Variants in EEFSEC observed in about 807,000 individuals in gnomAD.
EEFSEC encodes eukaryotic elongation factor, selenocysteine-tRNA specific, also known as selenocysteine-specific elongation factor.
EEFSEC carries 43 observed loss-of-function variants against 42.1 expected under a neutral mutation model. The ratio of observed to expected loss-of-function variants is 1.02; its 90% confidence interval spans 0.80 to 1.32. The LOEUF is 1.32. EEFSEC is among the 40% of genes most tolerant of loss of function. EEFSEC has a pLI of 0.00. For synonymous variants in EEFSEC, 354 were observed against 339.1 expected, an observed-to-expected ratio of 1.04 and a Z score of -0.48; for missense variants, 745 against 803.6, an observed-to-expected ratio of 0.93 and a Z score of 0.88.
At chr3:128,346,158 C>T (rs571676257) in intron 5 of EEFSEC, among the ~76,000 whole-genome samples, 1 of 152,354 alleles carries the variant, frequency 6.6e-6, no homozygotes, top group East Asian at 1.9e-4. Context: ...TGGCTTAACT[C>T]ATTAGTATTA....
At chr3:128,325,966 T>C (rs1161993917) in intron 4 of EEFSEC, among the ~76,000 whole-genome samples, 1 of 152,238 alleles carries the variant, frequency 6.6e-6, no homozygotes, top group Non-Finnish European at 1.5e-5. Context: ...GTGATCCACC[T>C]TTGACTTTTG....
At chr3:128,319,225 TAGC>T (rs1341667450) in intron 4 of EEFSEC, among the ~76,000 whole-genome samples, 1 of 152,166 alleles carries the variant, frequency 6.6e-6, no homozygotes, top group Non-Finnish European at 1.5e-5. Context: ...AAGGCAGAAG[TAGC>T]AGGCCAGCGG....
intron 1 of EEFSEC, among the ~76,000 whole-genome samples, chr3:128,232,655 A>G (rs987410628): frequency 6.6e-6 from 1 of 152,266 alleles, no homozygotes; most frequent in Non-Finnish European, 1.5e-5. Flanking sequence ...CTTATGGGCC[A>G]CAATTATTTT....
At chr3:128,282,068 C>A (rs558170980) in intron 4 of EEFSEC, among the ~76,000 whole-genome samples, 24 of 152,250 alleles carry the variant, frequency 1.6e-4, no homozygotes, top group Non-Finnish European at 2.8e-4. Flanking sequence ...GTGCTCCCCA[C>A]GTGCCCTTAC....
intron 4 of EEFSEC, among the ~76,000 whole-genome samples, chr3:128,286,823 G>A (rs1263071405): frequency 6.6e-6 from 1 of 152,196 alleles, no homozygotes; most frequent in African/African-American, 2.4e-5. Flanking sequence ...ACCCATATGT[G>A]CATATCTACC....
rs561957849 is a variant in EEFSEC at position 128,290,951 on chromosome 3, A to T, written c.786+26170A>T. ...TTTAGTAGAGATGGGGTTTCGCCATATTGGCCATGGCTGGTCTCGAACTCC... is the reference window on the plus strand; with the variant it reads ...TTTAGTAGAGATGGGGTTTCGCCATTTTGGCCATGGCTGGTCTCGAACTCC... On this transcript the variant is annotated intron_variant, in intron 4 of 6. Coordinates refer to ENST00000254730, the MANE Select transcript of EEFSEC (RefSeq NM_021937.5). Among the ~76,000 whole-genome samples the T allele has an allele frequency of 2.0e-3, 300 of 151,794 alleles. 1 individual carries two copies. Among genetic ancestry groups the T allele is most frequent in the Non-Finnish European group, 3.2e-3 (216 of 67,924 alleles).
intron 5 of EEFSEC, among the ~76,000 whole-genome samples, chr3:128,353,889 T>C (rs2067419272): frequency 6.6e-6 from 1 of 152,134 alleles, no homozygotes; most frequent in African/African-American, 2.4e-5. Context: ...ACCCATGACA[T>C]GGCTGAGGAC....
At chr3:128,211,467 A>T (rs1190091324) in intron 1 of EEFSEC, among the ~76,000 whole-genome samples, 1 of 152,084 alleles carries the variant, frequency 6.6e-6, no homozygotes, top group East Asian at 1.9e-4. Flanking sequence ...ACATACTGTT[A>T]CTTGACAATA....
At chr3:128,330,836 C>G (rs1461574241) in intron 4 of EEFSEC, among the ~76,000 whole-genome samples, 60 of 88,226 alleles carry the variant, frequency 6.8e-4, no homozygotes, top group African/African-American at 1.9e-3. Context: ...CCTCTTCCCC[C>G]CTTCCTCAGT....
intron 4 of EEFSEC, among the ~76,000 whole-genome samples, chr3:128,266,834 G>A (rs919763675): frequency 1.3e-5 from 2 of 152,008 alleles, no homozygotes; most frequent in African/African-American, 4.8e-5. Context: ...CAAAAATAAA[G>A]CACAAAAGTG....
chr3:128,241,927 T>G (rs1267028896), intron 1 of EEFSEC, among the ~76,000 whole-genome samples: 1 of 152,262 alleles, frequency 6.6e-6, no homozygotes, highest in East Asian at 1.9e-4. Context: ...CAAATGGTCA[T>G]AATAATAGTA....
intron 6 of EEFSEC, among the ~76,000 whole-genome samples, chr3:128,398,462 T>A (rs1169351928): frequency 1.3e-5 from 2 of 151,916 alleles, no homozygotes; most frequent in Non-Finnish European, 2.9e-5. Context: ...GTCTGAGTGG[T>A]TGTGAGGGAC....
intron 2 of EEFSEC, among the ~76,000 whole-genome samples, chr3:128,248,762 A>G (rs575350817): frequency 5.3e-4 from 81 of 152,352 alleles, no homozygotes; most frequent in African/African-American, 1.7e-3. Context: ...GGAAGGGCTT[A>G]GGGTACGTTT....
rs1054352531 is a variant in EEFSEC at position 128,347,206 on chromosome 3, A to G, written c.1443+5317A>G. Reference sequence around the variant, plus strand: ...ATTCTTGGATACATTTGATTTTTTCACATAAGTCCACGTGTACTTCTATAA... The same window carrying G: ...ATTCTTGGATACATTTGATTTTTTCGCATAAGTCCACGTGTACTTCTATAA... On this transcript the variant is annotated intron_variant, in intron 5 of 6. Transcript: ENST00000254730. Among the ~76,000 whole-genome samples the G allele has an allele frequency of 5.9e-5, 9 of 152,236 alleles. No individual in the cohort carries two copies. In the South Asian group the frequency reaches 1.7e-3, roughly 28 times the overall value.
At chr3:128,294,406 A>G (rs575461683) in intron 4 of EEFSEC, among the ~76,000 whole-genome samples, 20 of 152,226 alleles carry the variant, frequency 1.3e-4, no homozygotes, top group South Asian at 2.1e-4. Flanking sequence ...ATTAAGTTCT[A>G]TCATATCTGA....
At chr3:128,250,911 G>GTTTT (rs35594175) in intron 2 of EEFSEC, among the ~76,000 whole-genome samples, 2,630 of 108,512 alleles carry the variant, frequency 0.024, 115 homozygotes, top group Admixed American at 0.041. Flanking sequence ...GTTTTTTTTG[G>GTTTT]TTTTTTTTTT....
chr3:128,293,679 A>AAAACAAAAAAC (rs2066671732), intron 4 of EEFSEC, among the ~76,000 whole-genome samples: 1 of 133,450 alleles, frequency 7.5e-6, no homozygotes. Flanking sequence ...AAAAAAAAAA[A>AAAACAAAAAAC]AAAAAAAACT....
chr3:128,217,491 C>A (rs1214873311), intron 1 of EEFSEC, among the ~76,000 whole-genome samples: 1 of 152,122 alleles, frequency 6.6e-6, no homozygotes, highest in Non-Finnish European at 1.5e-5. Context: ...CTCAATCTCC[C>A]AGCAGAAGGG....
At chr3:128,242,063 C>CTAG (rs2066077014) in intron 1 of EEFSEC, among the ~76,000 whole-genome samples, 1 of 152,180 alleles carries the variant, frequency 6.6e-6, no homozygotes, top group African/African-American at 2.4e-5. Context: ...GCCCGTAATC[C>CTAG]TAGTAGCACT....
Sources: gnomAD v4.1 joint callset for allele counts (sites outside exome capture counted in the v4.1 genomes callset) on GRCh38, gnomAD v4.1.1 for gene constraint, MANE v1.5 for transcripts, NCBI Gene and HGNC (gene_info 2026-07-23, HGNC 2026-07-21) for gene names.